EIF2B5: variants seen among roughly 807,000 people sequenced by gnomAD.
EIF2B5 encodes the protein eukaryotic translation initiation factor 2B subunit epsilon.
Under a neutral mutation model 87.3 loss-of-function variants are expected in EIF2B5, and 38 were observed. That is an observed-to-expected ratio of 0.44 (90% confidence interval 0.34 to 0.57). The LOEUF (loss-of-function observed/expected upper bound fraction) is 0.57, where lower values mean the gene tolerates loss of function less well. Ranked by LOEUF, EIF2B5 falls within the 20% of genes least tolerant of loss-of-function variation. The probability of loss-of-function intolerance (pLI) is 0.02; values close to 1 mark genes in which losing one functional copy is unlikely to be tolerated. For missense variants in EIF2B5, 784 were observed against 909.5 expected (o/e 0.86, Z 1.78); for synonymous variants, 313 against 339.6 (o/e 0.92, Z 0.86).
rs548474671 is a variant in EIF2B5, at chr3:184,139,111, A to G, written c.765+865A>G. 2.6e-5 allele frequency among the ~76,000 whole-genome samples: 4 copies of G among 152,080 alleles called. No homozygotes were observed. The South Asian group carries it at 6.2e-4, about 24-fold the overall frequency. On this transcript the variant is annotated intron_variant, in intron 5 of 15. Coordinates refer to ENST00000648915, the MANE Select transcript of EIF2B5 (RefSeq NM_003907.3). ...CAGCCTCTCAAGTAGCTGGGACTAC[A>G]GGTACGCACCACCACATCCGGCTAT... is the stretch of plus-strand genomic sequence containing the variant.
chr3:184,138,138 TTA>T, intron 4 of EIF2B5, 26 bp from the exon 5 acceptor site: 1 of 1,614,080 alleles, frequency 6.2e-7, no homozygotes, highest in South Asian at 1.1e-5. Flanking sequence ...GAGAAACAAA[TTA>T]AAGTCCTTGT....
chr3:184,138,504 A>T (rs1713466317), intron 5 of EIF2B5, among the ~76,000 whole-genome samples: 1 of 144,722 alleles, frequency 6.9e-6, no homozygotes, highest in South Asian at 2.2e-4. Context: ...TTACAGGCAC[A>T]CCACCATGCC....
Position 184,144,597 on chromosome 3 carries a change from G to T in EIF2B5, c.1996G>T (p.Val666Leu). 6.2e-7 allele frequency: 1 copy of T among 1,614,018 alleles called. No individual in the cohort carries two copies. The highest frequency in any genetic ancestry group is 8.5e-7 in the Non-Finnish European group (1 of 1,179,978). The change falls in exon 15 of 16, where the codon GTA becomes TTA. Residue 666 changes from valine (V) to leucine (L), a missense_variant and splice_region_variant. Coordinates refer to ENST00000648915, the MANE Select transcript of EIF2B5 (RefSeq NM_003907.3). ...GGTCCCCTTTATTGGCCTTTTGCAG[G>T]TACTGATGGCTTTCTACCAGCTGGA... ...HEALGISMAK[V>L]LMAFYQLEIL...
Position 184,136,742 on chromosome 3 carries a change from G to A in EIF2B5, c.320+6G>A. On this transcript the variant is annotated splice_donor_region_variant and intron_variant, in intron 2 of 15. Transcript: ENST00000648915. ...CAAATCAAAGAACATTTACTGTAAG[G>A]CCCTGCAACTTTTCTTTCCATGTTT... The A allele has an allele frequency of 6.2e-7, 1 of 1,614,162 alleles. No homozygotes were observed. Among genetic ancestry groups the A allele is most frequent in the Non-Finnish European group, 8.5e-7 (1 of 1,180,016 alleles).
chr3:184,144,527 T>C, intron 14 of EIF2B5, 70 bp from the exon 15 acceptor site: 1 of 1,394,302 alleles, frequency 7.2e-7, no homozygotes, highest in Non-Finnish European at 1.0e-6. Context: ...TAGAGGGATC[T>C]GAGGGCCTGG....
chr3:184,143,171 G>T, intron 12 of EIF2B5, 29 bp downstream of exon 12: 1 of 1,607,222 alleles, frequency 6.2e-7, no homozygotes, highest in Non-Finnish European at 8.5e-7. Flanking sequence ...TGTTCTCCTC[G>T]GGGTGATCCC....
intron 2 of EIF2B5, chr3:184,137,210 T>C: frequency 5.7e-6 from 2 of 353,236 alleles, no homozygotes; most frequent in East Asian, 7.5e-5. Flanking sequence ...GCATTGCTTA[T>C]GGAAGTCCAG....
In EIF2B5 at chr3:184,142,224, T is replaced by C. The variant is rs1713668175; in HGVS notation, c.1303-13T>C. On this transcript the variant is annotated splice_polypyrimidine_tract_variant and intron_variant, in intron 8 of 15. Transcript: ENST00000648915. The surrounding 1 kb of genome is among the most constrained non-coding windows in gnomAD (Gnocchi z 5.0). ...TCCACACCCTAATGGTTCTGTGTTTTTTTTCCCCTTAGGTGGTCGTGGGCC... is the reference window on the plus strand; with the variant it reads ...TCCACACCCTAATGGTTCTGTGTTTCTTTTCCCCTTAGGTGGTCGTGGGCC... 2 of 1,614,144 alleles carry C rather than the reference T, an allele frequency of 1.2e-6. No individual in the cohort carries two copies. Among genetic ancestry groups the C allele is most frequent in the East Asian group, 4.5e-5 (2 of 44,884 alleles).
In EIF2B5 at chr3:184,145,075, A is replaced by ACT; in HGVS notation, c.*133_*134dup. 2.4e-6 allele frequency: 2 copies of ACT among 825,852 alleles called. No individual in the cohort carries two copies. The highest frequency in any genetic ancestry group is 2.9e-5 in the South Asian group (2 of 69,884). The allele number at this position is 825,852 out of a possible 1,614,324, so 51.2% of individuals were successfully genotyped here. A position where few individuals can be genotyped will look rare whatever the true frequency, so the allele number is the denominator to read the frequency against. On this transcript the variant is annotated 3_prime_UTR_variant, in exon 16 of 16. Transcript: ENST00000648915. This position sits in a 1 kb window ranked among gnomAD's most constrained non-coding sequence, Gnocchi z 4.0. ...GAGACTGAAAGGAGCAGAGGCTGGA[A>ACT]CTACAGTATTCTTTCCCCTGCTAGC...
Position 184,143,056 on chromosome 3 carries a change from C to A in EIF2B5, c.1659C>A (p.Phe553Leu). ...GSPQMDDIKV[F>L]QNEVLGTLQR... The stretch of plus-strand genomic sequence containing the variant: ...TTATCCTTGCTTTGATTTCAGTGTT[C>A]CAGAATGAAGTTTTAGGAACACTAC... Residue 553 changes from phenylalanine to leucine, a missense_variant, in exon 12 of 16, where the codon TTC becomes TTA. By Grantham distance (22) the Phe-to-Leu change is conservative. Around this residue, in one of 3 missense-constraint regions of EIF2B5, gnomAD observed 660 missense variants for 789.5 expected, o/e 0.84. Transcript: ENST00000648915. 6.2e-7 allele frequency: 1 copy of A among 1,613,338 alleles called. No homozygotes were observed. Among genetic ancestry groups the A allele is most frequent in the South Asian group, 1.1e-5 (1 of 90,854 alleles).
At chr3:184,143,590 C>T (rs1577035592) in intron 13 of EIF2B5, 25 bp downstream of exon 13, 2 of 1,614,140 alleles carry the variant, frequency 1.2e-6, no homozygotes, top group Admixed American at 3.3e-5. Context: ...GAGCTGAGTA[C>T]AAGGGATTGG....
Position 184,142,886 on chromosome 3 carries a change from G to C in EIF2B5, c.1654G>C (p.Val552Leu). ...CTCCCCTCAGATGGATGACATCAAA[G>C]GTGAGTGGCAGGGGAGAAATGCGCT... is the stretch of plus-strand genomic sequence containing the variant. ...GGSPQMDDIK[V>L]FQNEVLGTLQ... Residue 552 changes from valine to leucine, a missense_variant and splice_region_variant, in exon 11 of 16, where the codon GTG becomes CTG. Physicochemically the swap from Val to Leu is conservative, Grantham distance 32. Transcript: ENST00000648915. This position sits in a 1 kb window ranked among gnomAD's most constrained non-coding sequence, Gnocchi z 5.0. 1 of 1,612,962 alleles carries C rather than the reference G, an allele frequency of 6.2e-7. No homozygotes were observed. The highest frequency in any genetic ancestry group is 8.5e-7 in the Non-Finnish European group (1 of 1,179,432).
At position 184,142,230 on chromosome 3, in the gene EIF2B5, C is replaced by T; in HGVS notation, c.1303-7C>T. The T allele has an allele frequency of 6.2e-7, 1 of 1,613,904 alleles. No homozygotes were observed. The highest frequency in any genetic ancestry group is 8.5e-7 in the Non-Finnish European group (1 of 1,179,976). On this transcript the variant is annotated splice_region_variant and splice_polypyrimidine_tract_variant and intron_variant, in intron 8 of 15. Coordinates refer to ENST00000648915, the MANE Select transcript of EIF2B5 (RefSeq NM_003907.3). The surrounding 1 kb of genome is among the most constrained non-coding windows in gnomAD (Gnocchi z 5.0). Reference sequence around the variant, plus strand: ...CCCTAATGGTTCTGTGTTTTTTTTCCCCTTAGGTGGTCGTGGGCCCAAATA... The same window carrying T: ...CCCTAATGGTTCTGTGTTTTTTTTCTCCTTAGGTGGTCGTGGGCCCAAATA...
chr3:184,144,718 C>G lies in EIF2B5; in HGVS notation c.2106+11C>G. The G allele has an allele frequency of 6.2e-7, 1 of 1,610,824 alleles. No homozygotes were observed. The highest frequency in any genetic ancestry group is 8.5e-7 in the Non-Finnish European group (1 of 1,178,136). Reference sequence around the variant, plus strand: ...CGCAAGAATCAACAGGTGCGTCAGGCTGTCCTCCTCTCGCCAAGATGGTTA... The same window carrying G: ...CGCAAGAATCAACAGGTGCGTCAGGGTGTCCTCCTCTCGCCAAGATGGTTA... On this transcript the variant is annotated intron_variant, in intron 15 of 15. Transcript: ENST00000648915.
At position 184,142,992 on chromosome 3, in the gene EIF2B5, G is replaced by C; in HGVS notation, c.1655-60G>C. On this transcript the variant is annotated intron_variant, in intron 11 of 15. Transcript: ENST00000648915. This position sits in a 1 kb window ranked among gnomAD's most constrained non-coding sequence, Gnocchi z 5.0. ...AGGGTTTGGTATCGAGTCAAGACTAGATGACTTAGAGCATTCTGAATGATG... is the reference window on the plus strand; with the variant it reads ...AGGGTTTGGTATCGAGTCAAGACTACATGACTTAGAGCATTCTGAATGATG... 1 of 1,584,690 alleles carries C rather than the reference G, an allele frequency of 6.3e-7. No individual in the cohort carries two copies. The highest frequency in any genetic ancestry group is 8.6e-7 in the Non-Finnish European group (1 of 1,158,462).
rs753516531 is a variant in EIF2B5, at chr3:184,144,714, CA to C, written c.2106+8del. On this transcript the variant is annotated splice_region_variant and intron_variant, in intron 15 of 15. Transcript: ENST00000648915. ...GTTGCGCAAGAATCAACAGGTGCGTCAGGCTGTCCTCCTCTCGCCAAGATGG... is the reference window on the plus strand; with the variant it reads ...GTTGCGCAAGAATCAACAGGTGCGTCGGCTGTCCTCCTCTCGCCAAGATGG... The C allele has an allele frequency of 1.2e-6, 2 of 1,612,158 alleles. No homozygotes were observed. The highest frequency in any genetic ancestry group is 3.3e-5 in the Admixed American group (2 of 59,756).
chr3:184,138,663 A>T (rs1490433574), intron 5 of EIF2B5, among the ~76,000 whole-genome samples: 1 of 121,502 alleles, frequency 8.2e-6, no homozygotes, highest in Non-Finnish European at 1.8e-5. Context: ...CCTTATTTTC[A>T]TTTTTATTTA....
Position 184,143,533 on chromosome 3 carries a change from G to A in EIF2B5, c.1837G>A (p.Asp613Asn), listed in dbSNP as rs1049667589. The A allele has an allele frequency of 6.2e-7, 1 of 1,614,186 alleles. No homozygotes were observed. Among genetic ancestry groups the A allele is most frequent in the Middle Eastern group, 1.6e-4 (1 of 6,062 alleles). Residue 613 changes from aspartate to asparagine, a missense_variant, in exon 13 of 16, where the codon GAC becomes AAC. By Grantham distance (23) the Asp-to-Asn change is conservative. This residue lies in a region of EIF2B5 where 660 missense variants were observed against 789.5 expected (regional missense o/e 0.84). Coordinates refer to ENST00000648915, the MANE Select transcript of EIF2B5 (RefSeq NM_003907.3). Reference protein sequence around the residue: ...FPLQQMDSPLDSSRYCALLLP... With the variant: ...FPLQQMDSPLNSSRYCALLLP... ...CCTGCAACAGATGGATTCCCCGCTTGACTCAAGCCGCTACTGTGCCCTGCT... is the reference window on the plus strand; with the variant it reads ...CCTGCAACAGATGGATTCCCCGCTTAACTCAAGCCGCTACTGTGCCCTGCT...
chr3:184,136,045 G>A lies in EIF2B5; in HGVS notation c.195+465G>A, dbSNP rs556449720. 76 of 224,816 alleles carry A rather than the reference G, an allele frequency of 3.4e-4. No individual in the cohort carries two copies. In the South Asian group the frequency reaches 4.6e-3, roughly 13 times the overall value. The allele number at this position is 224,816 out of a possible 1,614,324, so 13.9% of individuals were successfully genotyped here. The stretch of plus-strand genomic sequence containing the variant: ...TGATAGCCGGTGCTATCTGTCGAAA[G>A]GACAAAATGGGTTTAGTGGTTGATT... On this transcript the variant is annotated intron_variant, in intron 1 of 15. Coordinates refer to ENST00000648915, the MANE Select transcript of EIF2B5 (RefSeq NM_003907.3).
Sources: allele counts gnomAD v4.1 joint callset (sites outside exome capture counted in the v4.1 genomes callset), GRCh38; gene constraint gnomAD v4.1.1; regional missense constraint gnomAD v4.1.1; non-coding constraint Gnocchi (gnomAD v3.1); transcripts MANE v1.5; gene names NCBI Gene and HGNC (gene_info 2026-07-23, HGNC 2026-07-21).